Variants in USP42 observed in about 807,000 individuals in gnomAD.
USP42 encodes ubiquitin specific peptidase 42, also known as ubiquitin carboxyl-terminal hydrolase 42.
USP42 carries 23 observed loss-of-function variants against 113.0 expected under a neutral mutation model. That is an observed-to-expected ratio of 0.20 (90% CI 0.15 to 0.29). USP42 has a LOEUF of 0.29. Among genes scored for constraint, USP42 ranks in the 10% least tolerant of loss-of-function variants. The pLI is 1.00. For synonymous variants in USP42, 933 were observed against 699.0 expected (o/e 1.33, Z -5.28); for missense variants, 2,174 against 1,779.8 (o/e 1.22, Z -3.99).
At chr7:6,134,759 T>TACAC (rs1327331714) in intron 3 of USP42, among the ~76,000 whole-genome samples, 1 of 152,204 alleles carries the variant, frequency 6.6e-6, no homozygotes. Context: ...CCAGAGTATT[T>TACAC]ACACAGAGAT....
intron 2 of USP42, among the ~76,000 whole-genome samples, chr7:6,113,744 C>A (rs1446292484): frequency 3.3e-5 from 5 of 152,112 alleles, no homozygotes; most frequent in Admixed American, 3.3e-4. Flanking sequence ...GCCTCAGCCT[C>A]CTGAGTAGCT....
At chr7:6,107,738 C>T (rs1364641203) in intron 1 of USP42, among the ~76,000 whole-genome samples, 1 of 151,838 alleles carries the variant, frequency 6.6e-6, no homozygotes, top group Non-Finnish European at 1.5e-5. Context: ...GCATTTTTTT[C>T]TTCTGTCCCC....
intron 7 of USP42, among the ~76,000 whole-genome samples, chr7:6,141,350 A>T (rs1036298432): frequency 6.7e-6 from 1 of 149,948 alleles, no homozygotes; most frequent in African/African-American, 2.5e-5. Flanking sequence ...CTATAGGTGC[A>T]TGTGCCACCA....
Position 6,154,948 on chromosome 7 carries a change from T to C in USP42, c.3394T>C (p.Phe1132Leu). 5 of 1,555,020 alleles carry C rather than the reference T, an allele frequency of 3.2e-6. No individual in the cohort carries two copies. Among genetic ancestry groups the C allele is most frequent in the Non-Finnish European group, 4.4e-6 (5 of 1,148,952 alleles). Residue 1132 changes from phenylalanine (F) to leucine (L), a missense_variant, in exon 15 of 18, where the codon TTC becomes CTC. Coordinates refer to ENST00000306177, the MANE Select transcript of USP42 (RefSeq NM_032172.3). Reference sequence around the variant, plus strand: ...CGCCCTCGCCCCGCACCCCGACCGCTTCTCCCACGACAGAACTGCACTTGT... The same window carrying C: ...CGCCCTCGCCCCGCACCCCGACCGCCTCTCCCACGACAGAACTGCACTTGT... ...PHALAPHPDRFSHDRTALVAG... is the reference protein window; with the variant it reads ...PHALAPHPDRLSHDRTALVAG...
At chr7:6,136,078 C>A in intron 4 of USP42, 127 bp downstream of exon 4, 1 of 565,536 alleles carries the variant, frequency 1.8e-6, no homozygotes, top group Non-Finnish European at 3.0e-6. Context: ...TATTTCGGCT[C>A]ACTGCAGCTT....
chr7:6,114,783 C>T (rs1347349659), intron 2 of USP42, among the ~76,000 whole-genome samples: 8 of 146,814 alleles, frequency 5.4e-5, no homozygotes, highest in East Asian at 2.0e-4. Context: ...CTCTGCCTCC[C>T]GGGTTCACGC....
At position 6,160,896 on chromosome 7, in the gene USP42, G is replaced by T. The variant is rs1307004887; in HGVS notation, c.*378G>T. ...TTAGACATCTGGTGCAAGACCAACC[G>T]GGAGACCATGGAATTGTCAAAAGTA... On this transcript the variant is annotated 3_prime_UTR_variant, in exon 18 of 18. Transcript: ENST00000306177. 6.6e-6 allele frequency: 1 copy of T among 152,530 alleles called. No homozygotes were observed. Among genetic ancestry groups the T allele is most frequent in the Non-Finnish European group, 1.5e-5 (1 of 68,032 alleles). The allele number at this position is 152,530 out of a possible 1,614,324, so 9.4% of individuals were successfully genotyped here. A position where few individuals can be genotyped will look rare whatever the true frequency, so the allele number is the denominator to read the frequency against.
Position 6,154,462 on chromosome 7 carries a change from A to T in USP42, c.2908A>T (p.Arg970Trp), listed in dbSNP as rs1782290026. 1.3e-6 allele frequency: 2 copies of T among 1,562,506 alleles called. No homozygotes were observed. The highest frequency in any genetic ancestry group is 1.4e-5 in the African/African-American group (1 of 73,602). Residue 970 changes from arginine (R) to tryptophan (W), a missense_variant, in exon 15 of 18, where the codon AGG becomes TGG. By Grantham distance (101) the Arg-to-Trp change is moderately radical (BLOSUM62 -3). Coordinates refer to ENST00000306177, the MANE Select transcript of USP42 (RefSeq NM_032172.3). ...SSSGEPARESRSKTEGHRHRR... is the reference protein window; with the variant it reads ...SSSGEPARESWSKTEGHRHRR... ...CAGCGGGGAGCCCGCCAGAGAGAGCAGGAGCAAGACTGAGGGCCACCGTCA... is the reference window on the plus strand; with the variant it reads ...CAGCGGGGAGCCCGCCAGAGAGAGCTGGAGCAAGACTGAGGGCCACCGTCA...
At position 6,157,950 on chromosome 7, in the gene USP42, A is replaced by G. The variant is rs1307187422; in HGVS notation, c.3943+895A>G. Among the ~76,000 whole-genome samples, 1 of 152,036 alleles carries G rather than the reference A, an allele frequency of 6.6e-6. No homozygotes were observed. Among genetic ancestry groups the G allele is most frequent in the Non-Finnish European group, 1.5e-5 (1 of 68,010 alleles). ...TCCCGTTGGTGTCCGGTGACCGCTC[A>G]CCCTCGAGAGGAGCTGTGAGCCTGT... On this transcript the variant is annotated intron_variant, in intron 16 of 17. Transcript: ENST00000306177. The surrounding 1 kb of genome is among the most constrained non-coding windows in gnomAD (Gnocchi z 4.1).
chr7:6,130,110 G>A (rs6953775), intron 3 of USP42, among the ~76,000 whole-genome samples: 6 of 151,968 alleles, frequency 3.9e-5, no homozygotes, highest in East Asian at 3.9e-4. Context: ...GTCGACCTCC[G>A]AAAGTGCTAG....
At chr7:6,125,535 C>G (rs1780490331) in intron 3 of USP42, among the ~76,000 whole-genome samples, 1 of 152,138 alleles carries the variant, frequency 6.6e-6, no homozygotes, top group Admixed American at 6.6e-5. Flanking sequence ...AGTATAAGAA[C>G]ATTTTGGTAA....
chr7:6,142,041 G>T (rs1029621246), intron 7 of USP42, among the ~76,000 whole-genome samples: 1 of 152,074 alleles, frequency 6.6e-6, no homozygotes, highest in Non-Finnish European at 1.5e-5. Flanking sequence ...TTCCTGTGCC[G>T]AATTCCTTGC....
chr7:6,139,881 C>T lies in USP42; in HGVS notation c.657-247C>T. The stretch of plus-strand genomic sequence containing the variant: ...TCAGGACCAGACTCCTGCCTTGCTT[C>T]CCGAGTCCCTTCCTGACAGACACAG... On this transcript the variant is annotated intron_variant, in intron 5 of 17. Coordinates refer to ENST00000306177, the MANE Select transcript of USP42 (RefSeq NM_032172.3). The surrounding 1 kb of genome is among the most constrained non-coding windows in gnomAD (Gnocchi z 4.5). The T allele has an allele frequency of 1.8e-6, 1 of 549,680 alleles. No individual in the cohort carries two copies. Among genetic ancestry groups the T allele is most frequent in the Non-Finnish European group, 3.3e-6 (1 of 307,184 alleles). 34.1% of individuals were successfully genotyped at this position (549,680 alleles called of 1,614,324 possible). A position where few individuals can be genotyped will look rare whatever the true frequency, so the allele number is the denominator to read the frequency against.
At chr7:6,151,843 A>G (rs889165690) in intron 14 of USP42, among the ~76,000 whole-genome samples, 1 of 152,094 alleles carries the variant, frequency 6.6e-6, no homozygotes, top group African/African-American at 2.4e-5. Flanking sequence ...CACCAGCATC[A>G]CCACACTCAC....
upstream of USP42, among the ~76,000 whole-genome samples, chr7:6,100,997 A>AG (rs1214116344): frequency 1.4e-4 from 21 of 151,078 alleles, no homozygotes; most frequent in Admixed American, 1.2e-3. Flanking sequence ...CAGGATATCT[A>AG]GAAGTGAGGC....
chr7:6,113,660 C>T (rs566273054), intron 2 of USP42, among the ~76,000 whole-genome samples: 64 of 151,598 alleles, frequency 4.2e-4, no homozygotes, highest in African/African-American at 1.4e-3. Context: ...CTCTCTCTGT[C>T]GCCCAGGCTG....
Position 6,109,041 on chromosome 7 carries a change from T to C in USP42, c.-9-2084T>C, listed in dbSNP as rs549747328. ...TGGAGTAGATGCCAGCACAGTACCG[T>C]AGAAATCAGCACAGGGTGCTGTGGG... On this transcript the variant is annotated intron_variant, in intron 1 of 17. Transcript: ENST00000306177. Among the ~76,000 whole-genome samples, 7 of 152,188 alleles carry C rather than the reference T, an allele frequency of 4.6e-5. No homozygotes were observed. In the South Asian group the frequency reaches 1.5e-3, roughly 32 times the overall value.
intron 11 of USP42, among the ~76,000 whole-genome samples, chr7:6,147,144 G>A (rs1319576412): frequency 1.3e-5 from 2 of 151,816 alleles, no homozygotes; most frequent in Non-Finnish European, 2.9e-5. Flanking sequence ...TCGGCAGTTG[G>A]GCTGAAGCAC....
the USP42 span, among the ~76,000 whole-genome samples, chr7:6,086,741 T>C: frequency 6.7e-6 from 1 of 149,742 alleles, no homozygotes; most frequent in Non-Finnish European, 1.5e-5. Context: ...TTCCTTTCTT[T>C]TTGAGATGGA....
Sources: allele counts gnomAD v4.1 joint callset (sites outside exome capture counted in the v4.1 genomes callset), GRCh38; gene constraint gnomAD v4.1.1; non-coding constraint Gnocchi (gnomAD v3.1); transcripts MANE v1.5; gene names NCBI Gene and HGNC (gene_info 2026-07-23, HGNC 2026-07-21).